The following CHRNB3 variants were observed in gnomAD, a reference collection of about 807,000 sequenced individuals.
CHRNB3 encodes the protein neuronal acetylcholine receptor subunit beta-3.
A neutral mutation model predicts 40.6 loss-of-function variants in CHRNB3; 37 were observed. The ratio of observed to expected loss-of-function variants is 0.91; its 90% confidence interval spans 0.70 to 1.20. The LOEUF (loss-of-function observed/expected upper bound fraction) is 1.20. Ranked by LOEUF, CHRNB3 falls within the 50% of genes most tolerant of loss-of-function variation. The pLI, the probability that CHRNB3 is intolerant of heterozygous loss-of-function variation, is 0.00. For synonymous variants in CHRNB3, 207 were observed against 207.1 expected (o/e 1.00, Z 0.00); for missense variants, 505 against 551.2 (o/e 0.92, Z 0.84).
At chr8:42,726,743 G>A (rs1220498561) in intron 3 of CHRNB3, among the ~76,000 whole-genome samples, 1 of 152,098 alleles carries the variant, frequency 6.6e-6, no homozygotes, top group African/African-American at 2.4e-5. Flanking sequence ...ACCCGCCTTG[G>A]CCTGCCAAAG....
At chr8:42,725,713 A>G (rs1344546785) in intron 3 of CHRNB3, 2 of 930,984 alleles carry the variant, frequency 2.1e-6, no homozygotes, top group Non-Finnish European at 3.5e-6. Flanking sequence ...GTGCTCCTCA[A>G]TCACTGTGTT....
rs568581040 is a variant in CHRNB3, at chr8:42,735,822, G to A, written c.1243-662G>A. Among the ~76,000 whole-genome samples the A allele has an allele frequency of 3.9e-5, 6 of 152,220 alleles. No homozygotes were observed. In the South Asian group the frequency reaches 1.0e-3, roughly 26 times the overall value. Reference sequence around the variant, plus strand: ...CCTTCCTTCTGGAGCTGCAGCACAGGTGGAGTGGAAGAAAAGAAAGCCTGT... The same window carrying A: ...CCTTCCTTCTGGAGCTGCAGCACAGATGGAGTGGAAGAAAAGAAAGCCTGT... On this transcript the variant is annotated intron_variant, in intron 5 of 5. Coordinates refer to ENST00000289957, the MANE Select transcript of CHRNB3 (RefSeq NM_000749.5).
intron 1 of CHRNB3, 117 bp from the exon 2 acceptor site, chr8:42,708,600 G>T (rs1396618198): frequency 1.7e-6 from 2 of 1,188,866 alleles, no homozygotes; most frequent in East Asian, 2.4e-5. Flanking sequence ...GAACTGGGCT[G>T]TTTAGAAACA....
At chr8:42,729,076 C>G (rs967725863) in intron 3 of CHRNB3, among the ~76,000 whole-genome samples, 1 of 152,058 alleles carries the variant, frequency 6.6e-6, no homozygotes, top group Non-Finnish European at 1.5e-5. Flanking sequence ...TTATTGGGCT[C>G]TTAAATTGTC....
At chr8:42,700,736 T>C (rs1194178259) in intron 1 of CHRNB3, among the ~76,000 whole-genome samples, 1 of 152,096 alleles carries the variant, frequency 6.6e-6, no homozygotes, top group African/African-American at 2.4e-5. Context: ...CAGATGTTGA[T>C]GGATCTAGAA....
rs752358628 is a variant in CHRNB3, at chr8:42,697,499, C to T, written c.-48C>T. On this transcript the variant is annotated 5_prime_UTR_variant, in exon 1 of 6. Coordinates refer to ENST00000289957, the MANE Select transcript of CHRNB3 (RefSeq NM_000749.5). Reference sequence around the variant, plus strand: ...AAAACCCCCTTTTCCAGTGGAAATGCTCTGTTGTTAAAAAGGAAGAAACTG... The same window carrying T: ...AAAACCCCCTTTTCCAGTGGAAATGTTCTGTTGTTAAAAAGGAAGAAACTG... 4 of 1,531,972 alleles carry T rather than the reference C, an allele frequency of 2.6e-6. No individual in the cohort carries two copies. The East Asian group carries it at 9.0e-5, about 35-fold the overall frequency. The allele number at this position is 1,531,972 out of a possible 1,614,324, so 94.9% of individuals were successfully genotyped here. A position where few individuals can be genotyped will look rare whatever the true frequency, so the allele number is the denominator to read the frequency against.
In CHRNB3 at chr8:42,731,854, C is replaced by T. The variant is rs759795860; in HGVS notation, c.547C>T (p.Leu183Phe). The T allele has an allele frequency of 1.7e-5, 28 of 1,613,962 alleles. No individual in the cohort carries two copies. The South Asian group carries it at 2.7e-4, about 16-fold the overall frequency. Residue 183 changes from leucine (L) to phenylalanine (F), a missense_variant, in exon 5 of 6, where the codon CTC (leucine) becomes TTC (phenylalanine). Leu to Phe is a conservative substitution (Grantham distance 22). Transcript: ENST00000289957. ...GACTTATGATGGCACCATGGTTGAC[C>T]TCATTTTGATCAATGAAAATGTCGA... is the stretch of plus-strand genomic sequence containing the variant. The part of the protein sequence containing the change: ...SWTYDGTMVD[L>F]ILINENVDRK...
At chr8:42,725,934 C>CA in intron 3 of CHRNB3, 1 of 925,556 alleles carries the variant, frequency 1.1e-6, no homozygotes, top group Non-Finnish European at 1.8e-6. Context: ...CCAGTAAACT[C>CA]ACGCCATCAA....
chr8:42,732,105 A>G lies in CHRNB3; in HGVS notation c.798A>G (p.Ser266=). The G allele has an allele frequency of 6.2e-7, 1 of 1,614,034 alleles. No individual in the cohort carries two copies. Among genetic ancestry groups the G allele is most frequent in the Non-Finnish European group, 8.5e-7 (1 of 1,180,024 alleles). Reference sequence around the variant, plus strand: ...CTTCGGATGAAGGAGAAAAACTTTCATTATCCACATCGGTCTTGGTTTCTC... The same window carrying G: ...CTTCGGATGAAGGAGAAAAACTTTCGTTATCCACATCGGTCTTGGTTTCTC... ...YLPSDEGEKL[S]LSTSVLVSLT... is the part of the protein sequence containing the mutation. The change falls in exon 5 of 6, where the codon TCA becomes TCG. Residue 266 remains serine (S), a synonymous_variant. Transcript: ENST00000289957.
rs139400538 is a variant in CHRNB3, at chr8:42,735,406, C to T, written c.1243-1078C>T. ...TACAAAAATTAGCTGGGCATGGTGA[C>T]GAGTGCCTGTAATCCCAGTTACTCG... On this transcript the variant is annotated intron_variant, in intron 5 of 5. Transcript: ENST00000289957. 9.8e-3 allele frequency among the ~76,000 whole-genome samples: 1,496 copies of T among 151,894 alleles called. 77 individuals carry two copies. The highest frequency in any genetic ancestry group is 0.012 in the East Asian group (60 of 5,154).
In CHRNB3 at chr8:42,732,250, G is replaced by A. The variant is rs532561485; in HGVS notation, c.943G>A (p.Val315Met). 5.0e-6 allele frequency: 8 copies of A among 1,611,900 alleles called. No individual in the cohort carries two copies. The highest frequency in any genetic ancestry group is 2.7e-5 in the African/African-American group (2 of 74,808). Residue 315 changes from valine to methionine, a missense_variant, in exon 5 of 6, where the codon GTG becomes ATG. Coordinates refer to ENST00000289957, the MANE Select transcript of CHRNB3 (RefSeq NM_000749.5). ...TGTGACCCTGTCCATCATTGTTACC[G>A]TGTTTGTCATTAACGTTCACCACAG... Reference protein sequence around the residue: ...IFVTLSIIVTVFVINVHHRSS... With the variant: ...IFVTLSIIVTMFVINVHHRSS...
chr8:42,700,156 G>C (rs1360864829), intron 1 of CHRNB3, among the ~76,000 whole-genome samples: 1 of 151,784 alleles, frequency 6.6e-6, no homozygotes, highest in Non-Finnish European at 1.5e-5. Flanking sequence ...TGGGACTACA[G>C]GTGCCCACCA....
intron 3 of CHRNB3, among the ~76,000 whole-genome samples, chr8:42,712,282 C>T (rs540848631): frequency 2.0e-5 from 3 of 152,264 alleles, no homozygotes; most frequent in African/African-American, 7.2e-5. Context: ...TGTGAGCCAC[C>T]GCACCCACCC....
intron 3 of CHRNB3, among the ~76,000 whole-genome samples, chr8:42,717,865 G>A (rs1343927339): frequency 4.1e-5 from 5 of 123,454 alleles, no homozygotes; most frequent in Non-Finnish European, 6.3e-5. Flanking sequence ...TCACTCTGTC[G>A]CCCAGGCTGG....
chr8:42,699,279 G>A (rs984287452), intron 1 of CHRNB3: 3 of 152,164 alleles, frequency 2.0e-5, no homozygotes, highest in African/African-American at 7.2e-5. Flanking sequence ...TATTTTGTGT[G>A]TGCTATCTGC....
intron 3 of CHRNB3, among the ~76,000 whole-genome samples, chr8:42,726,628 A>C (rs1253390350): frequency 6.6e-6 from 1 of 151,976 alleles, no homozygotes; most frequent in Non-Finnish European, 1.5e-5. Context: ...CCTCCTGAGT[A>C]GCTGGGATTA....
At chr8:42,699,117 T>A (rs1367668467) in intron 1 of CHRNB3, among the ~76,000 whole-genome samples, 1 of 152,236 alleles carries the variant, frequency 6.6e-6, no homozygotes, top group Non-Finnish European at 1.5e-5. Context: ...TTTTTAACTT[T>A]ACTATTCATT....
At chr8:42,728,452 C>G (rs1302813346) in intron 3 of CHRNB3, among the ~76,000 whole-genome samples, 1 of 151,690 alleles carries the variant, frequency 6.6e-6, no homozygotes, top group African/African-American at 2.4e-5. Context: ...TCACTTGAGC[C>G]CAGGAGGTTG....
intron 1 of CHRNB3, among the ~76,000 whole-genome samples, chr8:42,707,661 G>T (rs1056227289): frequency 4.6e-5 from 7 of 152,186 alleles, no homozygotes; most frequent in African/African-American, 1.4e-4. Flanking sequence ...CCCAACTGGA[G>T]GGTTAAAGCT....
Sources: allele counts gnomAD v4.1 joint callset (sites outside exome capture counted in the v4.1 genomes callset), GRCh38; gene constraint gnomAD v4.1.1; transcripts MANE v1.5; gene names NCBI Gene and HGNC (gene_info 2026-07-23, HGNC 2026-07-21).